Variants in FLYWCH1 observed in about 807,000 individuals in gnomAD.
FLYWCH1 encodes the protein FLYWCH-type zinc finger-containing protein 1.
A neutral mutation model predicts 66.4 loss-of-function variants in FLYWCH1; 75 were observed. That is an observed-to-expected ratio of 1.13 (90% CI 0.94 to 1.37). The LOEUF is 1.37. Among genes scored for constraint, FLYWCH1 ranks in the 40% most tolerant of loss-of-function variants. The pLI, the probability that FLYWCH1 is intolerant of heterozygous loss-of-function variation, is 0.00. For missense variants in FLYWCH1, 1,334 were observed against 1,001.8 expected (o/e 1.33, Z -4.48); for synonymous variants, 595 against 429.9 (o/e 1.38, Z -4.75).
rs202221080 is a variant in FLYWCH1, at chr16:2,937,277, G to A, written c.1670G>A (p.Arg557Gln). ...CGCAGCCGCGCCATCACCCAGGGCC[G>A]GCGGGTCATGGTCATGCGCAGGCAC... ...GCRSRAITQGRRVMVMRRHCH... is the reference protein window; with the variant it reads ...GCRSRAITQGQRVMVMRRHCH... Residue 557 changes from arginine (R) to glutamine (Q), a missense_variant, in exon 7 of 10, where the codon CGG (arginine) becomes CAG (glutamine). Transcript: ENST00000253928. 637 of 1,605,022 alleles carry A rather than the reference G, an allele frequency of 4.0e-4. 1 individual carries two copies. The African/African-American group carries it at 5.7e-3, about 14-fold the overall frequency.
At chr16:2,934,594 G>A (rs2070918445) in intron 6 of FLYWCH1, 2 of 455,378 alleles carry the variant, frequency 4.4e-6, no homozygotes, top group Non-Finnish European at 8.8e-6. Flanking sequence ...CCACTCACCT[G>A]CTCTTCCTTC....
At chr16:2,932,486 G>A (rs980315684) in intron 4 of FLYWCH1, among the ~76,000 whole-genome samples, 1 of 152,064 alleles carries the variant, frequency 6.6e-6, no homozygotes, top group Non-Finnish European at 1.5e-5. Flanking sequence ...GCAGATGGGA[G>A]TTCTGGCTGT....
intron 2 of FLYWCH1, among the ~76,000 whole-genome samples, chr16:2,926,381 C>G (rs1019336623): frequency 2.0e-5 from 3 of 152,160 alleles, no homozygotes; most frequent in African/African-American, 4.8e-5. Flanking sequence ...GAGAAGATAG[C>G]GTTTCAGTTT....
chr16:2,922,025 T>C (rs187301727), intron 2 of FLYWCH1, among the ~76,000 whole-genome samples: 28 of 152,322 alleles, frequency 1.8e-4, no homozygotes, highest in Admixed American at 1.6e-3. Context: ...ATCGTGCCAC[T>C]GCACTCCTGC....
At chr16:2,921,941 T>C (rs2070388727) in intron 2 of FLYWCH1, among the ~76,000 whole-genome samples, 1 of 152,056 alleles carries the variant, frequency 6.6e-6, no homozygotes, top group South Asian at 2.1e-4. Flanking sequence ...CGCGCGCCTG[T>C]AGTCCCAGCT....
chr16:2,949,113 C>T lies in FLYWCH1; in HGVS notation c.*386C>T, dbSNP rs550826841. 11 of 271,438 alleles carry T rather than the reference C, an allele frequency of 4.1e-5. No individual in the cohort carries two copies. The highest frequency in any genetic ancestry group is 2.0e-4 in the East Asian group (2 of 9,848). 16.8% of individuals were successfully genotyped at this position (271,438 alleles called of 1,614,324 possible). On this transcript the variant is annotated 3_prime_UTR_variant, in exon 10 of 10. Transcript: ENST00000253928. ...TGGCGAGGCCCCGCTCTGCTCAGCA[C>T]GGTGCAAAGTGAATGCTGCTGTCTT...
At position 2,932,814 on chromosome 16, in the gene FLYWCH1, C is replaced by T. The variant is rs1227811427; in HGVS notation, c.797-316C>T. 2.0e-5 allele frequency among the ~76,000 whole-genome samples: 3 copies of T among 151,698 alleles called. No homozygotes were observed. In the East Asian group the frequency reaches 5.8e-4, roughly 29 times the overall value. On this transcript the variant is annotated intron_variant, in intron 4 of 9. Coordinates refer to ENST00000253928, the MANE Select transcript of FLYWCH1 (RefSeq NM_001308068.2). The stretch of plus-strand genomic sequence containing the variant: ...GGTGTAACCTTGATGCAACATTGAG[C>T]AGGCCTGAGCTGGGGTGACCTCACT...
intron 4 of FLYWCH1, 43 bp from the exon 5 acceptor site, chr16:2,933,087 C>T (rs768809213): frequency 1.7e-5 from 27 of 1,562,202 alleles, no homozygotes; most frequent in Non-Finnish European, 2.0e-5. Context: ...TCCTGGGCTC[C>T]TCTCCACCCC....
chr16:2,942,044 T>C, intron 9 of FLYWCH1, among the ~76,000 whole-genome samples: 1 of 65,614 alleles, frequency 1.5e-5, no homozygotes, highest in Non-Finnish European at 3.5e-5. Context: ...AGGAAGGAAA[T>C]AAATAATAAA....
At chr16:2,916,057 G>A (rs571238348) in intron 2 of FLYWCH1, among the ~76,000 whole-genome samples, 8 of 152,128 alleles carry the variant, frequency 5.3e-5, no homozygotes, top group Admixed American at 2.0e-4. Context: ...TTTAAAGTCT[G>A]TTGTTTTGGC....
intron 4 of FLYWCH1, 55 bp downstream of exon 4, chr16:2,930,935 C>T: frequency 7.5e-7 from 1 of 1,326,974 alleles, no homozygotes; most frequent in East Asian, 2.5e-5. Flanking sequence ...ACCCGAGGGC[C>T]CTTCCTCAGC....
intron 9 of FLYWCH1, among the ~76,000 whole-genome samples, chr16:2,944,149 G>C (rs760899174): frequency 3.9e-5 from 6 of 152,092 alleles, no homozygotes; most frequent in Non-Finnish European, 2.9e-5. Flanking sequence ...CACTCTGGGA[G>C]GCTGAGGCGG....
intron 2 of FLYWCH1, among the ~76,000 whole-genome samples, chr16:2,920,783 T>C (rs567903391): frequency 6.6e-6 from 1 of 150,494 alleles, no homozygotes; most frequent in South Asian, 2.1e-4. Flanking sequence ...TCAGGTGATC[T>C]GCCCACCTTG....
Position 2,938,426 on chromosome 16 carries a change from C to T in FLYWCH1, c.2020C>T (p.Leu674Phe), listed in dbSNP as rs1278507113. 3 of 1,532,410 alleles carry T rather than the reference C, an allele frequency of 2.0e-6. No individual in the cohort carries two copies. Among genetic ancestry groups the T allele is most frequent in the Admixed American group, 2.1e-5 (1 of 48,606 alleles). 94.9% of individuals were successfully genotyped at this position (1,532,410 alleles called of 1,614,324 possible). ...GLEALRQRER[L>F]PTTAQQEDPE... ...GGAGGCCTTGAGGCAACGGGAGCGGCTCCCCACCACGGCCCAGCAGGAGGA... is the reference window on the plus strand; with the variant it reads ...GGAGGCCTTGAGGCAACGGGAGCGGTTCCCCACCACGGCCCAGCAGGAGGA... Residue 674 changes from leucine (L) to phenylalanine (F), a missense_variant, in exon 8 of 10, where the codon CTC (leucine) becomes TTC (phenylalanine). Coordinates refer to ENST00000253928, the MANE Select transcript of FLYWCH1 (RefSeq NM_001308068.2).
intron 4 of FLYWCH1, among the ~76,000 whole-genome samples, chr16:2,932,311 G>C (rs2070793691): frequency 6.6e-6 from 1 of 150,608 alleles, no homozygotes; most frequent in Non-Finnish European, 1.5e-5. Context: ...GCTGGTGGGA[G>C]AGTCTTGGGT....
chr16:2,926,707 G>A (rs1025346770), intron 2 of FLYWCH1, among the ~76,000 whole-genome samples: 2 of 152,186 alleles, frequency 1.3e-5, no homozygotes, highest in African/African-American at 4.8e-5. Context: ...GGTTATTGTA[G>A]AATTAATGGC....
At chr16:2,915,838 A>G (rs950222370) in intron 2 of FLYWCH1, among the ~76,000 whole-genome samples, 1 of 152,092 alleles carries the variant, frequency 6.6e-6, no homozygotes, top group Non-Finnish European at 1.5e-5. Flanking sequence ...AGAAGAATCT[A>G]CAAGATTCTA....
chr16:2,928,193 G>A (rs1166063309), intron 2 of FLYWCH1, among the ~76,000 whole-genome samples: 7 of 152,158 alleles, frequency 4.6e-5, no homozygotes, highest in Admixed American at 6.5e-5. Flanking sequence ...ACGAATGGTC[G>A]GCTTTACACT....
chr16:2,933,591 C>T lies in FLYWCH1; in HGVS notation c.1249+9C>T. 1.3e-6 allele frequency: 2 copies of T among 1,579,006 alleles called. No individual in the cohort carries two copies. Among genetic ancestry groups the T allele is most frequent in the South Asian group, 1.2e-5 (1 of 85,392 alleles). ...CATGGACGCAGACCCGGGTGAGCTG[C>T]CTTCCTTTGGGGCTCACCGGCCCTG... is the stretch of plus-strand genomic sequence containing the variant. On this transcript the variant is annotated intron_variant, in intron 5 of 9. Coordinates refer to ENST00000253928, the MANE Select transcript of FLYWCH1 (RefSeq NM_001308068.2).
Sources: allele counts gnomAD v4.1 joint callset (sites outside exome capture counted in the v4.1 genomes callset), GRCh38; gene constraint gnomAD v4.1.1; transcripts MANE v1.5; gene names NCBI Gene and HGNC (gene_info 2026-07-23, HGNC 2026-07-21).